Variants in CCDC150 observed in about 807,000 individuals in gnomAD.
CCDC150 encodes the protein coiled-coil domain containing 150.
In CCDC150, 151 loss-of-function variants were observed where a neutral mutation model predicts 156.5. The ratio of observed to expected loss-of-function variants is 0.97; its 90% CI spans 0.85 to 1.10. The LOEUF (loss-of-function observed/expected upper bound fraction) is 1.10. Ranked by LOEUF, CCDC150 falls within the 50% of genes least tolerant of loss-of-function variation. The pLI, the probability that CCDC150 is intolerant of heterozygous loss-of-function variation, is 0.00. For missense variants in CCDC150, 1,312 were observed against 1,268.1 expected (o/e 1.03, Z -0.53); for synonymous variants, 452 against 429.4 (o/e 1.05, Z -0.65).
At position 196,732,650 on chromosome 2, in the gene CCDC150, A is replaced by G. The variant is rs540310791; in HGVS notation, c.*88A>G. The G allele has an allele frequency of 1.4e-4, 117 of 857,712 alleles. No individual in the cohort carries two copies. Among genetic ancestry groups the G allele is most frequent in the Non-Finnish European group, 2.0e-4 (102 of 516,054 alleles). The allele number at this position is 857,712 out of a possible 1,614,324, so 53.1% of individuals were successfully genotyped here. On this transcript the variant is annotated 3_prime_UTR_variant, in exon 28 of 28. Transcript: ENST00000389175. Reference sequence around the variant, plus strand: ...CCGGGGCTGGCCTGTTTCTAGAGTCATAAGAACATGAAGTCTTTGATGTGG... The same window carrying G: ...CCGGGGCTGGCCTGTTTCTAGAGTCGTAAGAACATGAAGTCTTTGATGTGG...
intron 15 of CCDC150, among the ~76,000 whole-genome samples, chr2:196,707,048 C>T (rs973186034): frequency 6.6e-6 from 1 of 152,150 alleles, no homozygotes; most frequent in Non-Finnish European, 1.5e-5. Flanking sequence ...GGAGGATTCC[C>T]TCTTTTTCTA....
intron 5 of CCDC150, among the ~76,000 whole-genome samples, chr2:196,663,524 G>T (rs1575780057): frequency 6.6e-6 from 1 of 151,914 alleles, no homozygotes; most frequent in East Asian, 1.9e-4. Flanking sequence ...GGTAATAATT[G>T]AAAAAAGAAT....
At chr2:196,704,365 T>C (rs958357884) in intron 15 of CCDC150, among the ~76,000 whole-genome samples, 5 of 152,178 alleles carry the variant, frequency 3.3e-5, no homozygotes, top group African/African-American at 1.2e-4. Flanking sequence ...CTTAATTGCT[T>C]GCAAATAATA....
In CCDC150 at chr2:196,718,716, G is replaced by T; in HGVS notation, c.1995+85G>T. The T allele has an allele frequency of 1.4e-5, 21 of 1,492,554 alleles. No individual in the cohort carries two copies. The South Asian group carries it at 3.1e-4, about 22-fold the overall frequency. 92.5% of individuals were successfully genotyped at this position (1,492,554 alleles called of 1,614,324 possible). ...CATGAGCCATATGTTTCGCTTTCTT[G>T]CTTCCATTAGAATAAGGATTGATCA... On this transcript the variant is annotated intron_variant, in intron 18 of 27. Transcript: ENST00000389175.
At chr2:196,697,046 T>C (rs1242547693) in intron 14 of CCDC150, among the ~76,000 whole-genome samples, 1 of 152,230 alleles carries the variant, frequency 6.6e-6, no homozygotes, top group Non-Finnish European at 1.5e-5. Context: ...ATCAGAATAA[T>C]TACTACATTG....
At chr2:196,677,885 G>A (rs1037635472) in intron 13 of CCDC150, among the ~76,000 whole-genome samples, 44 of 152,100 alleles carry the variant, frequency 2.9e-4, no homozygotes, top group African/African-American at 1.0e-3. Flanking sequence ...AGCTACTCGG[G>A]AGGCTGAGGC....
At chr2:196,659,266 C>T (rs1384055512) in intron 5 of CCDC150, among the ~76,000 whole-genome samples, 2 of 152,054 alleles carry the variant, frequency 1.3e-5, no homozygotes, top group Non-Finnish European at 2.9e-5. Flanking sequence ...TAGTAGATAG[C>T]AGATTGGGAA....
At chr2:196,692,426 G>T (rs747374771) in intron 13 of CCDC150, among the ~76,000 whole-genome samples, 1 of 152,094 alleles carries the variant, frequency 6.6e-6, no homozygotes, top group African/African-American at 2.4e-5. Flanking sequence ...GAGCCACCGC[G>T]CCCGGCCGAG....
At chr2:196,665,777 C>G (rs999409446) in intron 6 of CCDC150, 94 bp downstream of exon 6, 4 of 619,010 alleles carry the variant, frequency 6.5e-6, no homozygotes, top group Non-Finnish European at 5.4e-6. Flanking sequence ...CTAATTGCCT[C>G]TAGATTTATT....
At chr2:196,661,957 G>A (rs879723034) in intron 5 of CCDC150, among the ~76,000 whole-genome samples, 4 of 152,040 alleles carry the variant, frequency 2.6e-5, no homozygotes, top group African/African-American at 4.8e-5. Context: ...AATTCTGAAT[G>A]AACTAGAGAT....
chr2:196,666,996 C>T (rs1205900321), intron 7 of CCDC150, 148 bp downstream of exon 7: 5 of 757,650 alleles, frequency 6.6e-6, no homozygotes, highest in Non-Finnish European at 1.1e-5. Flanking sequence ...TTCCCTTCTA[C>T]CTGCAGTACT....
In CCDC150 at chr2:196,695,107, C is replaced by A; in HGVS notation, c.1571C>A (p.Ala524Glu). 1 of 1,612,748 alleles carries A rather than the reference C, an allele frequency of 6.2e-7. No homozygotes were observed. The highest frequency in any genetic ancestry group is 1.7e-5 in the Admixed American group (1 of 59,968). ...QTLEEENKHL[A>E]DQMASLELQQ... is the part of the protein sequence containing the mutation. Reference sequence around the variant, plus strand: ...CTTGAAGAAGAGAATAAGCACCTGGCAGATCAAATGGCTTCCCTAGAACTT... The same window carrying A: ...CTTGAAGAAGAGAATAAGCACCTGGAAGATCAAATGGCTTCCCTAGAACTT... The change falls in exon 14 of 28, where the codon GCA becomes GAA. Residue 524 changes from alanine (A) to glutamate (E), a missense_variant. Transcript: ENST00000389175.
At position 196,672,373 on chromosome 2, in the gene CCDC150, A is replaced by T; in HGVS notation, c.965A>T (p.His322Leu). Residue 322 changes from histidine to leucine, a missense_variant, in exon 9 of 28, where the codon CAT becomes CTT. By Grantham distance (99) the His-to-Leu change is moderately conservative (BLOSUM62 -3). Transcript: ENST00000389175. ...KNLQISFNKE[H>L]EENAYLRSEI... Reference sequence around the variant, plus strand: ...CTGCAGATATCTTTCAACAAGGAACATGAAGAAAATGCATATTTGAGGTCC... The same window carrying T: ...CTGCAGATATCTTTCAACAAGGAACTTGAAGAAAATGCATATTTGAGGTCC... 6.5e-7 allele frequency: 1 copy of T among 1,544,242 alleles called. No homozygotes were observed. The highest frequency in any genetic ancestry group is 2.4e-5 in the East Asian group (1 of 41,718).
intron 1 of CCDC150, among the ~76,000 whole-genome samples, chr2:196,644,329 G>C (rs761437840): frequency 7.9e-5 from 12 of 152,060 alleles, no homozygotes; most frequent in Admixed American, 3.3e-4. Context: ...TTTATCTCTA[G>C]GTCAGTAGCT....
intron 14 of CCDC150, among the ~76,000 whole-genome samples, chr2:196,696,507 C>G (rs1695840172): frequency 6.6e-6 from 1 of 152,286 alleles, no homozygotes; most frequent in Non-Finnish European, 1.5e-5. Flanking sequence ...GCAGGCCTAG[C>G]CTTACCCTAT....
intron 2 of CCDC150, among the ~76,000 whole-genome samples, chr2:196,649,025 C>T (rs1412048552): frequency 6.6e-6 from 1 of 152,102 alleles, no homozygotes; most frequent in Non-Finnish European, 1.5e-5. Flanking sequence ...ACTATGCTCT[C>T]TTTATTACTA....
intron 7 of CCDC150, chr2:196,667,444 C>T (rs1693914150): frequency 6.4e-6 from 1 of 155,596 alleles, no homozygotes; most frequent in African/African-American, 2.4e-5. Flanking sequence ...ACCCATCAGC[C>T]TTTTATCATA....
chr2:196,705,633 A>G (rs146312688), intron 15 of CCDC150, among the ~76,000 whole-genome samples: 2,393 of 152,206 alleles, frequency 0.016, 73 homozygotes, highest in African/African-American at 0.054. Context: ...GCCGAGGCCT[A>G]TGTCCTGAAT....
intron 13 of CCDC150, among the ~76,000 whole-genome samples, chr2:196,686,836 C>T (rs111598867): frequency 6.6e-5 from 10 of 152,256 alleles, no homozygotes; most frequent in African/African-American, 2.4e-4. Context: ...CATCATTTAG[C>T]TCCCACTTAT....
Sources: gnomAD v4.1 joint callset for allele counts (sites outside exome capture counted in the v4.1 genomes callset) on GRCh38, gnomAD v4.1.1 for gene constraint, MANE v1.5 for transcripts, NCBI Gene and HGNC (gene_info 2026-07-23, HGNC 2026-07-21) for gene names.